The following FER variants were observed in gnomAD, a reference collection of about 807,000 sequenced individuals.
The protein encoded by FER is FER tyrosine kinase.
Under a neutral mutation model 111.0 loss-of-function variants are expected in FER, and 63 were observed. That is an observed-to-expected ratio of 0.57 (90% CI 0.46 to 0.70). The LOEUF (loss-of-function observed/expected upper bound fraction) is 0.70. FER is among the 30% of genes least tolerant of loss of function. The pLI is 0.00. For synonymous variants in FER, 327 were observed against 313.9 expected (o/e 1.04, Z -0.44); for missense variants, 914 against 954.0 (o/e 0.96, Z 0.55).
chr5:109,018,751 A>C (rs1767528244), intron 13 of FER, among the ~76,000 whole-genome samples: 1 of 151,822 alleles, frequency 6.6e-6, no homozygotes, highest in Admixed American at 6.6e-5. Context: ...CATTGTTAAG[A>C]ATTCATCAAG....
Position 108,897,661 on chromosome 5 carries a change from T to G in FER, c.1049T>G (p.Ile350Ser). 3 of 1,586,534 alleles carry G rather than the reference T, an allele frequency of 1.9e-6. 1 individual carries two copies. The South Asian group carries it at 3.5e-5, about 19-fold the overall frequency. Residue 350 changes from isoleucine (I) to serine (S), a missense_variant and splice_region_variant, in exon 10 of 20, where the codon ATT becomes AGT. Around this residue, in one of 3 missense-constraint regions of FER, gnomAD observed 774 missense variants for 782.6 expected, o/e 0.99. Coordinates refer to ENST00000281092, the MANE Select transcript of FER (RefSeq NM_005246.4). Reference sequence around the variant, plus strand: ...CATTTATATTTATTCTCTTTTAGTATTGTGCTTCTGCTAAGCCAAAAACAG... The same window carrying G: ...CATTTATATTTATTCTCTTTTAGTAGTGTGCTTCTGCTAAGCCAAAAACAG... ...SSETCEKKSDIVLLLSQKQAL... is the reference protein window; with the variant it reads ...SSETCEKKSDSVLLLSQKQAL...
intron 17 of FER, among the ~76,000 whole-genome samples, chr5:109,107,955 T>C (rs17163944): frequency 0.036 from 5,546 of 152,224 alleles, 109 homozygotes; most frequent in Middle Eastern, 0.11. Flanking sequence ...GCCCAGCTTA[T>C]ATTAAATGTC....
intron 3 of FER, among the ~76,000 whole-genome samples, chr5:108,822,519 C>G (rs1472942699): frequency 6.6e-6 from 1 of 151,998 alleles, no homozygotes. Flanking sequence ...AATCCAGGGA[C>G]TTTATAGCAA....
intron 13 of FER, among the ~76,000 whole-genome samples, chr5:109,002,860 A>C (rs977715825): frequency 1.3e-5 from 2 of 152,268 alleles, no homozygotes; most frequent in African/African-American, 4.8e-5. Context: ...AAATACATGA[A>C]AAAATGCTCA....
At chr5:108,976,743 A>G (rs1316136275) in intron 13 of FER, among the ~76,000 whole-genome samples, 2 of 152,218 alleles carry the variant, frequency 1.3e-5, no homozygotes, top group East Asian at 3.8e-4. Context: ...CTACATTTAT[A>G]GTATTGTACT....
At position 108,850,102 on chromosome 5, in the gene FER, G is replaced by A. The variant is rs551991001; in HGVS notation, c.481+14295G>A. 2.1e-3 allele frequency among the ~76,000 whole-genome samples: 317 copies of A among 152,038 alleles called. 3 individuals carry two copies. The highest frequency in any genetic ancestry group is 7.1e-3 in the African/African-American group (293 of 41,466). On this transcript the variant is annotated intron_variant, in intron 5 of 19. Coordinates refer to ENST00000281092, the MANE Select transcript of FER (RefSeq NM_005246.4). ...CCTAGCCACTTGGGAGGCTGAGGCA[G>A]GAGAATTGCTTGAACCTGGGAGGTG...
At chr5:109,072,522 T>G (rs897581176) in intron 16 of FER, among the ~76,000 whole-genome samples, 18 of 151,870 alleles carry the variant, frequency 1.2e-4, no homozygotes, top group African/African-American at 3.9e-4. Flanking sequence ...AAATGAAATC[T>G]TATGCCTTAA....
At chr5:109,018,651 T>C (rs934314969) in intron 13 of FER, among the ~76,000 whole-genome samples, 2 of 151,714 alleles carry the variant, frequency 1.3e-5, no homozygotes, top group African/African-American at 4.8e-5. Context: ...AATGGAATCA[T>C]GTAATCCTTT....
At chr5:108,992,706 G>A (rs1400675261) in intron 13 of FER, among the ~76,000 whole-genome samples, 2 of 151,912 alleles carry the variant, frequency 1.3e-5, no homozygotes, top group African/African-American at 2.4e-5. Flanking sequence ...CCCGGATGGG[G>A]TGGCTGCTGG....
chr5:108,897,900 A>G (rs1244826472), intron 10 of FER, 52 bp downstream of exon 10: 10 of 1,412,618 alleles, frequency 7.1e-6, no homozygotes, highest in African/African-American at 2.9e-5. Context: ...TGTCTAGGTA[A>G]TAAGTGCATA....
chr5:108,853,538 G>T (rs1762725511), intron 5 of FER, among the ~76,000 whole-genome samples: 1 of 152,278 alleles, frequency 6.6e-6, no homozygotes, highest in African/African-American at 2.4e-5. Flanking sequence ...AGGAAGTCAG[G>T]GAGTGAACCA....
At chr5:108,957,449 AT>A (rs1247274300) in intron 12 of FER, among the ~76,000 whole-genome samples, 2 of 151,632 alleles carry the variant, frequency 1.3e-5, no homozygotes, top group African/African-American at 2.4e-5. Context: ...ACACAAAAAA[AT>A]AATAAATGCA....
intron 4 of FER, among the ~76,000 whole-genome samples, chr5:108,835,277 G>A (rs1760531422): frequency 7.2e-6 from 1 of 138,282 alleles, no homozygotes; most frequent in Non-Finnish European, 1.5e-5. Context: ...TGCCTCCCAG[G>A]TTCAAGCGAT....
chr5:108,754,588 A>T, intron 1 of FER, among the ~76,000 whole-genome samples: 1 of 152,112 alleles, frequency 6.6e-6, no homozygotes, highest in Non-Finnish European at 1.5e-5. Flanking sequence ...CACTAATTTT[A>T]TGTCATTAAT....
intron 13 of FER, among the ~76,000 whole-genome samples, chr5:108,995,039 G>A (rs1424516486): frequency 2.0e-5 from 3 of 152,024 alleles, no homozygotes; most frequent in Non-Finnish European, 1.5e-5. Context: ...CTAGATGTAG[G>A]ATCTCGTCAT....
At chr5:108,892,749 A>G (rs1283759030) in intron 9 of FER, among the ~76,000 whole-genome samples, 1 of 152,160 alleles carries the variant, frequency 6.6e-6, no homozygotes, top group Non-Finnish European at 1.5e-5. Flanking sequence ...GCCCATGCCT[A>G]TGTCCTGAAT....
Position 108,767,040 on chromosome 5 carries a change from C to T in FER, c.-205-1053C>T, listed in dbSNP as rs540266225. ...CAGAGGCCAGGCGCAGTGACCCATG[C>T]CTGTAATCCCAGCATTTTGGGAGGC... On this transcript the variant is annotated intron_variant, in intron 1 of 19. Transcript: ENST00000281092. Among the ~76,000 whole-genome samples, 259 of 152,294 alleles carry T rather than the reference C, an allele frequency of 1.7e-3. 1 individual carries two copies. Among genetic ancestry groups the T allele is most frequent in the Non-Finnish European group, 2.9e-3 (198 of 68,034 alleles).
In FER at chr5:108,881,251, A is replaced by G. The variant is rs556377586; in HGVS notation, c.924-2145A>G. On this transcript the variant is annotated intron_variant, in intron 8 of 19. Coordinates refer to ENST00000281092, the MANE Select transcript of FER (RefSeq NM_005246.4). ...GAGCCTGGGAAGACAAAGAAGTTTA[A>G]TGGACTTACAGTTCCCCATAGCTTG... 2.6e-5 allele frequency among the ~76,000 whole-genome samples: 4 copies of G among 152,294 alleles called. No homozygotes were observed. In the South Asian group the frequency reaches 8.3e-4, roughly 32 times the overall value.
chr5:108,869,615 G>A (rs1411822611), intron 6 of FER, among the ~76,000 whole-genome samples: 5 of 152,026 alleles, frequency 3.3e-5, no homozygotes, highest in African/African-American at 2.4e-5. Flanking sequence ...GATTGACATC[G>A]TTTTCTTTGA....
Sources: gnomAD v4.1 joint callset for allele counts (sites outside exome capture counted in the v4.1 genomes callset) on GRCh38, gnomAD v4.1.1 for gene constraint, gnomAD v4.1.1 regional missense constraint, MANE v1.5 for transcripts, NCBI Gene and HGNC (gene_info 2026-07-23, HGNC 2026-07-21) for gene names.